The following VWA8 variants were observed in gnomAD, a reference collection of about 807,000 sequenced individuals.
VWA8 encodes von Willebrand factor A domain-containing protein 8.
A neutral mutation model predicts 241.5 loss-of-function variants in VWA8; 221 were observed. That is an observed-to-expected ratio of 0.91 (90% confidence interval 0.82 to 1.02). The LOEUF is 1.02. Among genes scored for constraint, VWA8 ranks in the 50% least tolerant of loss-of-function variants. The probability of loss-of-function intolerance (pLI) is 0.00; values close to 1 mark genes in which losing one functional copy is unlikely to be tolerated. For synonymous variants in VWA8, 852 were observed against 827.1 expected (o/e 1.03, Z -0.52); for missense variants, 2,322 against 2,328.7 (o/e 1.00, Z 0.06).
intron 37 of VWA8, among the ~76,000 whole-genome samples, chr13:41,629,900 C>A (rs1262310374): frequency 2.0e-5 from 3 of 152,192 alleles, no homozygotes; most frequent in Non-Finnish European, 1.5e-5. Flanking sequence ...TGACCCTCTG[C>A]CCTCTTTAAT....
chr13:41,634,637 C>T (rs953594923), intron 37 of VWA8, among the ~76,000 whole-genome samples: 1 of 151,836 alleles, frequency 6.6e-6, no homozygotes, highest in African/African-American at 2.4e-5. Context: ...CTAGCATGGC[C>T]TATAACTCTC....
At chr13:41,604,839 A>C (rs950150941) in intron 40 of VWA8, among the ~76,000 whole-genome samples, 1 of 152,172 alleles carries the variant, frequency 6.6e-6, no homozygotes, top group Non-Finnish European at 1.5e-5. Flanking sequence ...AGTCATGCTT[A>C]GGAAATACTG....
At chr13:41,816,161 G>C (rs972979099) in intron 16 of VWA8, among the ~76,000 whole-genome samples, 1 of 152,168 alleles carries the variant, frequency 6.6e-6, no homozygotes, top group Non-Finnish European at 1.5e-5. Flanking sequence ...TACTAAGAAG[G>C]AGATTCTTTA....
chr13:41,912,214 T>C (rs1236557274), intron 2 of VWA8, 46 bp from the exon 3 acceptor site: 2 of 1,490,510 alleles, frequency 1.3e-6, no homozygotes, highest in Non-Finnish European at 1.8e-6. Flanking sequence ...AAGTATTACT[T>C]ATAATATAAA....
rs766744124 is a variant in VWA8, at chr13:41,950,056, C to T, written c.164-43G>A. Reference sequence around the variant, plus strand: ...AAACAGAATAATTATAAGAGACAAACGAGAAAACCATAGACTATGCAACAA... The same window carrying T: ...AAACAGAATAATTATAAGAGACAAATGAGAAAACCATAGACTATGCAACAA... On this transcript the variant is annotated intron_variant, in intron 1 of 44. Transcript: ENST00000379310. 8.8e-6 allele frequency: 11 copies of T among 1,256,866 alleles called. No individual in the cohort carries two copies. In the South Asian group the frequency reaches 9.7e-5, roughly 11 times the overall value. 77.9% of individuals were successfully genotyped at this position (1,256,866 alleles called of 1,614,324 possible).
intron 18 of VWA8, among the ~76,000 whole-genome samples, chr13:41,787,051 C>T (rs186115405): frequency 4.6e-5 from 7 of 150,746 alleles, no homozygotes; most frequent in Admixed American, 4.0e-4. Context: ...TAGGACATCG[C>T]TGACCCTCAA....
At chr13:41,882,673 G>T (rs553475824) in intron 9 of VWA8, among the ~76,000 whole-genome samples, 4 of 152,308 alleles carry the variant, frequency 2.6e-5, no homozygotes, top group Non-Finnish European at 5.9e-5. Flanking sequence ...GCGTGGCGTC[G>T]CGCGCCTGCA....
chr13:41,741,973 G>A (rs965720324), intron 21 of VWA8, among the ~76,000 whole-genome samples: 2 of 152,202 alleles, frequency 1.3e-5, no homozygotes, highest in African/African-American at 4.8e-5. Flanking sequence ...TTAACTGGCA[G>A]GAATGAGTAG....
chr13:41,654,899 A>G (rs2044892682), intron 37 of VWA8, among the ~76,000 whole-genome samples: 1 of 152,138 alleles, frequency 6.6e-6, no homozygotes, highest in Admixed American at 6.5e-5. Flanking sequence ...GACACCAAAG[A>G]GACATGTAAA....
At chr13:41,609,594 G>C (rs2044574402) in intron 39 of VWA8, among the ~76,000 whole-genome samples, 1 of 152,058 alleles carries the variant, frequency 6.6e-6, no homozygotes, top group African/African-American at 2.4e-5. Flanking sequence ...GTAAAAGGTT[G>C]AAAAATTTTC....
chr13:41,928,860 T>A (rs1364170035), intron 2 of VWA8, among the ~76,000 whole-genome samples: 1 of 149,316 alleles, frequency 6.7e-6, no homozygotes, highest in Non-Finnish European at 1.5e-5. Context: ...AAGACTCAAA[T>A]AAATAAAAAG....
chr13:41,742,739 T>C (rs2045577966), intron 21 of VWA8, among the ~76,000 whole-genome samples: 1 of 152,228 alleles, frequency 6.6e-6, no homozygotes, highest in Non-Finnish European at 1.5e-5. Flanking sequence ...TTTATTTCAA[T>C]GCCTAGCATC....
intron 2 of VWA8, among the ~76,000 whole-genome samples, chr13:41,923,555 C>T (rs536910690): frequency 3.3e-5 from 5 of 152,148 alleles, no homozygotes; most frequent in South Asian, 4.2e-4. Flanking sequence ...TGTAAGACCC[C>T]GGGCCTAGGA....
At chr13:41,587,336 T>C (rs1215104530) in intron 42 of VWA8, among the ~76,000 whole-genome samples, 176 bp downstream of exon 42, 2 of 152,224 alleles carry the variant, frequency 1.3e-5, no homozygotes, top group Non-Finnish European at 1.5e-5. Context: ...ACTTTTAAAT[T>C]ATGGAGTTAT....
intron 43 of VWA8, among the ~76,000 whole-genome samples, chr13:41,573,486 A>AAAAAAATAAATATATATATATATAT: frequency 1.2e-4 from 14 of 113,598 alleles, no homozygotes; most frequent in African/African-American, 4.1e-4. Context: ...AAAAAAAAAA[A>AAAAAAATAAATATATATATATATAT]ATATATATAT....
chr13:41,882,851 A>G (rs996906087), intron 9 of VWA8, among the ~76,000 whole-genome samples: 2 of 141,896 alleles, frequency 1.4e-5, no homozygotes, highest in Admixed American at 1.4e-4. Context: ...GAGCAATCCT[A>G]TTTTTTTAAC....
At chr13:41,761,022 A>C (rs1409409909) in intron 21 of VWA8, 106 bp downstream of exon 21, 7 of 1,107,890 alleles carry the variant, frequency 6.3e-6, no homozygotes, top group Non-Finnish European at 7.9e-6. Flanking sequence ...CAGAAATAAA[A>C]CTGGTTTATA....
rs375047506 is a variant in VWA8, at chr13:41,905,076, G to A, written c.483+2510C>T. The A allele has an allele frequency of 1.3e-4, 20 of 152,088 alleles. 1 individual carries two copies. The highest frequency in any genetic ancestry group is 9.6e-4 in the East Asian group (5 of 5,200). 9.4% of individuals were successfully genotyped at this position (152,088 alleles called of 1,614,324 possible). A position where few individuals can be genotyped will look rare whatever the true frequency, so the allele number is the denominator to read the frequency against. On this transcript the variant is annotated intron_variant, in intron 4 of 44. Coordinates refer to ENST00000379310, the MANE Select transcript of VWA8 (RefSeq NM_015058.2). ...TTAAATTGAGAGTCGAAGTCAACAAGATAGAAATATAAATTCAAATTCATA... is the reference window on the plus strand; with the variant it reads ...TTAAATTGAGAGTCGAAGTCAACAAAATAGAAATATAAATTCAAATTCATA...
rs374863249 is a variant in VWA8, at chr13:41,750,303, C to T, written c.2426+10825G>A. Among the ~76,000 whole-genome samples, 13 of 151,858 alleles carry T rather than the reference C, an allele frequency of 8.6e-5. No homozygotes were observed. The South Asian group carries it at 1.3e-3, about 15-fold the overall frequency. ...CAAAAATTAGCTGGGCACAGTGGTG[C>T]GTGCCTGTAGTTCCAGCTACTCGGG... On this transcript the variant is annotated intron_variant, in intron 21 of 44. Coordinates refer to ENST00000379310, the MANE Select transcript of VWA8 (RefSeq NM_015058.2).
Sources: gnomAD v4.1 joint callset for allele counts (sites outside exome capture counted in the v4.1 genomes callset) on GRCh38, gnomAD v4.1.1 for gene constraint, MANE v1.5 for transcripts, NCBI Gene and HGNC (gene_info 2026-07-23, HGNC 2026-07-21) for gene names.